Variants in STK39 observed in about 807,000 individuals in gnomAD.
STK39 encodes the protein STE20/SPS1-related proline-alanine-rich protein kinase.
STK39 carries 20 observed loss-of-function variants against 77.8 expected under a neutral mutation model. The observed-to-expected ratio is 0.26, with a 90% CI of 0.18 to 0.37. The LOEUF (loss-of-function observed/expected upper bound fraction) is 0.37. Ranked by LOEUF, STK39 falls within the 10% of genes least tolerant of loss-of-function variation. The pLI is 1.00. For missense variants in STK39, 479 were observed against 656.5 expected (o/e 0.73, Z 2.95); for synonymous variants, 246 against 234.1 (o/e 1.05, Z -0.47).
At chr2:168,022,502 G>C (rs1313812428) in intron 14 of STK39, among the ~76,000 whole-genome samples, 3 of 152,146 alleles carry the variant, frequency 2.0e-5, no homozygotes, top group Non-Finnish European at 2.9e-5. Flanking sequence ...GTGCCTGCAG[G>C]TTATGGCCAG....
At chr2:168,141,204 T>C (rs933074026) in intron 5 of STK39, among the ~76,000 whole-genome samples, 3 of 152,200 alleles carry the variant, frequency 2.0e-5, no homozygotes, top group African/African-American at 7.2e-5. Flanking sequence ...TAGAAGTTAA[T>C]TTTATAAGAA....
chr2:168,225,539 A>T (rs1690282804), intron 1 of STK39, among the ~76,000 whole-genome samples: 1 of 152,224 alleles, frequency 6.6e-6, no homozygotes, highest in African/African-American at 2.4e-5. Flanking sequence ...TCATTATTTC[A>T]GAATTTAAGA....
At chr2:168,211,685 G>A (rs936681805) in intron 1 of STK39, among the ~76,000 whole-genome samples, 3 of 152,124 alleles carry the variant, frequency 2.0e-5, no homozygotes, top group Admixed American at 6.5e-5. Flanking sequence ...CATCATCAAC[G>A]CCCTGTCTTA....
At chr2:168,094,087 G>C (rs1285613211) in intron 10 of STK39, among the ~76,000 whole-genome samples, 1 of 152,116 alleles carries the variant, frequency 6.6e-6, no homozygotes. Context: ...GTCCTCCCCA[G>C]CCCTCCCCAG....
intron 10 of STK39, among the ~76,000 whole-genome samples, chr2:168,084,127 C>T (rs773791933): frequency 2.0e-5 from 3 of 151,914 alleles, no homozygotes. Context: ...TGTACACCAG[C>T]CAGAGGCTTA....
chr2:168,025,528 A>C (rs1684673151), intron 14 of STK39, among the ~76,000 whole-genome samples: 1 of 152,228 alleles, frequency 6.6e-6, no homozygotes, highest in South Asian at 2.1e-4. Flanking sequence ...TGAATAAGTA[A>C]AGAGTATTTC....
chr2:168,007,775 GA>G (rs1207101241), intron 16 of STK39, among the ~76,000 whole-genome samples: 1 of 152,134 alleles, frequency 6.6e-6, no homozygotes, highest in African/African-American at 2.4e-5. Context: ...AGACATCTGA[GA>G]AGTGAGAGGG....
In STK39 at chr2:168,099,435, G is replaced by T. The variant is rs553893513; in HGVS notation, c.1090-24204C>A. Among the ~76,000 whole-genome samples, 22 of 152,270 alleles carry T rather than the reference G, an allele frequency of 1.4e-4. No homozygotes were observed. The East Asian group carries it at 4.2e-3, about 29-fold the overall frequency. Reference sequence around the variant, plus strand: ...GTGGCTACTTTTATGGTCCCAAGAAGAGTCCTATGGCTTCATTCCCTAACT... The same window carrying T: ...GTGGCTACTTTTATGGTCCCAAGAATAGTCCTATGGCTTCATTCCCTAACT... On this transcript the variant is annotated intron_variant, in intron 10 of 17. Transcript: ENST00000355999.
rs375142913 is a variant in STK39, at chr2:168,129,752, T to C, written c.981A>G (p.Thr327=). 1 of 1,613,814 alleles carries C rather than the reference T, an allele frequency of 6.2e-7. No individual in the cohort carries two copies. The highest frequency in any genetic ancestry group is 8.5e-7 in the Non-Finnish European group (1 of 1,179,946). ...CLQKDPSKRP[T]AAELLKCKFF... Reference sequence around the variant, plus strand: ...ATTTGCATTTTAAAAGTTCTGCTGCTGTGGGCCTGAAAGATCAATAATAAA... The same window carrying C: ...ATTTGCATTTTAAAAGTTCTGCTGCCGTGGGCCTGAAAGATCAATAATAAA... Residue 327 remains threonine (T), a synonymous_variant, in exon 9 of 18, where the codon ACA becomes ACG. Coordinates refer to ENST00000355999, the MANE Select transcript of STK39 (RefSeq NM_013233.3).
At chr2:167,956,686 ACACACACACACTCTCT>A (rs1237146646) in intron 17 of STK39, among the ~76,000 whole-genome samples, 16 of 44,726 alleles carry the variant, frequency 3.6e-4, no homozygotes, top group Admixed American at 6.5e-4. Context: ...ACACACACAC[ACACACACACACTCTCT>A]CTCTCTCTCT....
chr2:168,170,690 G>A (rs7589640), intron 2 of STK39, among the ~76,000 whole-genome samples: 65,657 of 152,054 alleles, frequency 0.43, 16,221 homozygotes, highest in East Asian at 0.77. Context: ...GGGGATGTGA[G>A]AGGAGGGACA....
chr2:168,156,220 A>G (rs2105571208), intron 5 of STK39, among the ~76,000 whole-genome samples: 1 of 152,326 alleles, frequency 6.6e-6, no homozygotes, highest in Middle Eastern at 3.4e-3. Context: ...TCATGAAAAG[A>G]AGTTACTCAG....
chr2:168,095,924 T>C (rs923618711), intron 10 of STK39, among the ~76,000 whole-genome samples: 41 of 152,220 alleles, frequency 2.7e-4, no homozygotes, highest in Non-Finnish European at 7.3e-5. Flanking sequence ...AAAATCAATT[T>C]AGAATCTGGG....
intron 14 of STK39, among the ~76,000 whole-genome samples, chr2:168,051,178 C>A (rs548328866): frequency 6.6e-6 from 1 of 152,282 alleles, no homozygotes; most frequent in Non-Finnish European, 1.5e-5. Context: ...TCCTAAGAGA[C>A]AACCTTCCCT....
At chr2:168,233,839 A>G (rs1690524405) in intron 1 of STK39, among the ~76,000 whole-genome samples, 1 of 152,232 alleles carries the variant, frequency 6.6e-6, no homozygotes, top group Admixed American at 6.5e-5. Flanking sequence ...CTTTTTTAAG[A>G]TATGACACAT....
intron 14 of STK39, among the ~76,000 whole-genome samples, chr2:168,023,146 C>A (rs560276107): frequency 6.6e-6 from 1 of 152,138 alleles, no homozygotes; most frequent in East Asian, 1.9e-4. Flanking sequence ...GAACTCTGGA[C>A]TCAAGTGATT....
chr2:168,021,335 T>C (rs1203086572), intron 14 of STK39, among the ~76,000 whole-genome samples: 1 of 152,192 alleles, frequency 6.6e-6, no homozygotes, highest in Non-Finnish European at 1.5e-5. Flanking sequence ...TTTTTATGAC[T>C]CTGAACCTAA....
At chr2:168,212,804 T>C (rs555933209) in intron 1 of STK39, among the ~76,000 whole-genome samples, 1 of 152,304 alleles carries the variant, frequency 6.6e-6, no homozygotes, top group East Asian at 1.9e-4. Flanking sequence ...CCTCCGATCA[T>C]CCTCTCCCTC....
intron 1 of STK39, among the ~76,000 whole-genome samples, chr2:168,190,879 C>G (rs1004092987): frequency 7.2e-5 from 11 of 152,164 alleles, no homozygotes; most frequent in African/African-American, 2.2e-4. Context: ...CTCCTCCCAG[C>G]AAAACCCACT....
Sources: allele counts gnomAD v4.1 joint callset (sites outside exome capture counted in the v4.1 genomes callset), GRCh38; gene constraint gnomAD v4.1.1; transcripts MANE v1.5; gene names NCBI Gene and HGNC (gene_info 2026-07-23, HGNC 2026-07-21).